MEF2C: variants seen among roughly 807,000 people sequenced by gnomAD.
MEF2C encodes myocyte enhancer factor 2C, also known as myocyte-specific enhancer factor 2C.
MEF2C carries 6 observed loss-of-function variants against 50.5 expected under a neutral mutation model. The ratio of observed to expected loss-of-function variants is 0.12; its 90% confidence interval spans 0.07 to 0.23. The LOEUF (loss-of-function observed/expected upper bound fraction) is 0.23, where lower values mean the gene tolerates loss of function less well. Among genes scored for constraint, MEF2C ranks in the 10% least tolerant of loss-of-function variants. The pLI, the probability that MEF2C is intolerant of heterozygous loss-of-function variation, is 1.00. For missense variants in MEF2C, 276 were observed against 605.0 expected, an observed-to-expected ratio of 0.46 and a Z score of 5.70; for synonymous variants, 183 against 228.0, an observed-to-expected ratio of 0.80 and a Z score of 1.78.
intron 7 of MEF2C, 103 bp from the exon 8 acceptor site, chr5:88,730,337 C>T: frequency 1.6e-6 from 2 of 1,244,952 alleles, no homozygotes; most frequent in Admixed American, 2.0e-5. Context: ...ATAGACACAA[C>T]AGTTTAAACA....
At chr5:88,811,704 T>C (rs2049987945) in intron 2 of MEF2C, among the ~76,000 whole-genome samples, 1 of 152,074 alleles carries the variant, frequency 6.6e-6, no homozygotes, top group African/African-American at 2.4e-5. Context: ...CAAAAGACTG[T>C]AAAGAATTTG....
intron 6 of MEF2C, chr5:88,743,151 TAA>T: frequency 1.1e-6 from 1 of 918,710 alleles, no homozygotes; most frequent in Non-Finnish European, 1.3e-6. Context: ...AAAAATAATA[TAA>T]AAATTATATC....
intron 9 of MEF2C, 55 bp downstream of exon 9, chr5:88,729,163 T>A (rs193149858): frequency 6.2e-7 from 1 of 1,604,572 alleles, no homozygotes. Context: ...TTTTTCATCT[T>A]GATTTTCAAT....
chr5:88,903,911 C>T (rs2150357876), intron 1 of MEF2C: 1 of 151,742 alleles, frequency 6.6e-6, no homozygotes, highest in East Asian at 2.0e-4. Flanking sequence ...GCAATTGAAA[C>T]TCACCAGTGC....
chr5:88,732,000 A>G, intron 6 of MEF2C, 99 bp from the exon 7 acceptor site: 1 of 1,109,910 alleles, frequency 9.0e-7, no homozygotes, highest in Non-Finnish European at 1.3e-6. Context: ...GCTTAATGGT[A>G]AGACGTACAT....
intron 1 of MEF2C, among the ~76,000 whole-genome samples, chr5:88,878,884 C>G (rs1581920068): frequency 6.6e-6 from 1 of 151,806 alleles, no homozygotes; most frequent in South Asian, 2.1e-4. Flanking sequence ...TGTTATTTAC[C>G]TATGTTTCTC....
At chr5:88,820,533 G>A (rs113948117) in intron 2 of MEF2C, among the ~76,000 whole-genome samples, 3 of 151,960 alleles carry the variant, frequency 2.0e-5, no homozygotes, top group Non-Finnish European at 4.4e-5. Context: ...TTTCACACTT[G>A]AAGTCAGTAT....
At chr5:88,770,999 T>C (rs947688454) in intron 3 of MEF2C, among the ~76,000 whole-genome samples, 4 of 152,202 alleles carry the variant, frequency 2.6e-5, no homozygotes, top group Non-Finnish European at 5.9e-5. Context: ...CTCAGAATCA[T>C]GGCAGAAGGC....
chr5:88,745,946 G>A (rs1769296834), intron 6 of MEF2C, among the ~76,000 whole-genome samples: 2 of 152,148 alleles, frequency 1.3e-5, no homozygotes, highest in South Asian at 4.1e-4. Flanking sequence ...TAATTTAAAC[G>A]ACTATTATGA....
rs193283631 is a variant in MEF2C at position 88,864,023 on chromosome 5, T to C, written c.-143+18932A>G. Among the ~76,000 whole-genome samples the C allele has an allele frequency of 3.0e-3, 450 of 152,192 alleles. 1 individual carries two copies. The highest frequency in any genetic ancestry group is 7.3e-3 in the Admixed American group (111 of 15,302). On this transcript the variant is annotated intron_variant, in intron 1 of 10. Coordinates refer to ENST00000504921, the MANE Select transcript of MEF2C (RefSeq NM_002397.5). Reference sequence around the variant, plus strand: ...TTTTAGTAGAGACGAGGTTTCACCATGTTGGCCAGGCTGGTTTCAAACTCC... The same window carrying C: ...TTTTAGTAGAGACGAGGTTTCACCACGTTGGCCAGGCTGGTTTCAAACTCC...
Position 88,780,866 on chromosome 5 carries a change from G to A in MEF2C, c.259-19538C>T, listed in dbSNP as rs74540833. On this transcript the variant is annotated intron_variant, in intron 3 of 10. Coordinates refer to ENST00000504921, the MANE Select transcript of MEF2C (RefSeq NM_002397.5). ...TTCTCTTTCTCCCTACATCTCTCTC[G>A]TTCTTTCACTTTCTCTCTCATTGTC... 12 of 984,978 alleles carry A rather than the reference G, an allele frequency of 1.2e-5. No homozygotes were observed. In the Admixed American group the frequency reaches 4.3e-4, roughly 35 times the overall value. The allele number at this position is 984,978 out of a possible 1,614,324, so 61.0% of individuals were successfully genotyped here. A position where few individuals can be genotyped will look rare whatever the true frequency, so the allele number is the denominator to read the frequency against.
Position 88,823,741 on chromosome 5 carries a change from G to T in MEF2C, c.48C>A (p.Asn16Lys). The T allele has an allele frequency of 6.2e-7, 1 of 1,606,310 alleles. No homozygotes were observed. Among genetic ancestry groups the T allele is most frequent in the Non-Finnish European group, 8.5e-7 (1 of 1,175,540 alleles). ...IQITRIMDERNRQVTFTKRKF... is the reference protein window; with the variant it reads ...IQITRIMDERKRQVTFTKRKF... ...AAAAGTTTACTCCACTCACCTGTCT[G>T]TTACGTTCATCCATAATCCTCGTAA... Residue 16 changes from asparagine to lysine, a missense_variant, in exon 2 of 11, where the codon AAC becomes AAA. Transcript: ENST00000504921.
intron 3 of MEF2C, among the ~76,000 whole-genome samples, chr5:88,764,828 A>G (rs960599255): frequency 2.4e-4 from 37 of 151,430 alleles, no homozygotes; most frequent in African/African-American, 7.7e-4. Flanking sequence ...AAAAAAAAAA[A>G]AAGAAGTAGA....
At chr5:88,841,025 C>T (rs1404720538) in intron 1 of MEF2C, among the ~76,000 whole-genome samples, 1 of 152,166 alleles carries the variant, frequency 6.6e-6, no homozygotes, top group Non-Finnish European at 1.5e-5. Context: ...ACATGGATTT[C>T]ATGGCAATAT....
chr5:88,869,255 A>ATATATATG, intron 1 of MEF2C, among the ~76,000 whole-genome samples: 1 of 48,806 alleles, frequency 2.0e-5, no homozygotes. Context: ...TAGTTTTCAT[A>ATATATATG]TATATATATA....
intron 1 of MEF2C, among the ~76,000 whole-genome samples, chr5:88,878,870 G>C (rs1367870837): frequency 6.6e-6 from 1 of 151,966 alleles, no homozygotes; most frequent in Non-Finnish European, 1.5e-5. Flanking sequence ...CAAAATGAAA[G>C]CTTTGTTATT....
rs1057522729 is a variant in MEF2C at position 88,804,784 on chromosome 5, C to T, written c.72G>A (p.Arg24=). The T allele has an allele frequency of 6.2e-7, 1 of 1,613,886 alleles. No individual in the cohort carries two copies. The highest frequency in any genetic ancestry group is 1.7e-5 in the Admixed American group (1 of 60,024). The change falls in exon 3 of 11, where the codon AGG becomes AGA. Residue 24 remains arginine, a synonymous_variant. Coordinates refer to ENST00000504921, the MANE Select transcript of MEF2C (RefSeq NM_002397.5). Reference sequence around the variant, plus strand: ...AAGCCTTCTTCATCAACCCAAATTTCCTCTTTGTAAATGTCACCTAGAAAA... The same window carrying T: ...AAGCCTTCTTCATCAACCCAAATTTTCTCTTTGTAAATGTCACCTAGAAAA... The part of the protein sequence containing the change: ...ERNRQVTFTK[R]KFGLMKKAYE...
intron 6 of MEF2C, among the ~76,000 whole-genome samples, chr5:88,747,333 CTTTTTTTTT>C (rs950842424): frequency 4.6e-5 from 1 of 21,748 alleles, no homozygotes; most frequent in African/African-American, 1.1e-4. Context: ...TTTTTTACTA[CTTTTTTTTT>C]TTTTTTTTTT....
intron 6 of MEF2C, chr5:88,748,237 A>T (rs1223824898): frequency 1.0e-6 from 1 of 973,974 alleles, no homozygotes; most frequent in Non-Finnish European, 1.2e-6. Context: ...TAGGCTATCC[A>T]TGTCTATTTC....
Sources: gnomAD v4.1 joint callset for allele counts (sites outside exome capture counted in the v4.1 genomes callset) on GRCh38, gnomAD v4.1.1 for gene constraint, MANE v1.5 for transcripts, NCBI Gene and HGNC (gene_info 2026-07-23, HGNC 2026-07-21) for gene names.